The following TRPM3 variants were observed in gnomAD, a reference collection of about 807,000 sequenced individuals.
TRPM3 encodes transient receptor potential cation channel subfamily M member 3.
A neutral mutation model predicts 181.2 loss-of-function variants in TRPM3; 77 were observed. The observed-to-expected ratio is 0.42, with a 90% CI of 0.35 to 0.51. The LOEUF (loss-of-function observed/expected upper bound fraction) is 0.51, where lower values mean the gene tolerates loss of function less well. Ranked by LOEUF, TRPM3 falls within the 20% of genes least tolerant of loss-of-function variation. The pLI is 0.01. For missense variants in TRPM3, 1,759 were observed against 2,196.7 expected, an observed-to-expected ratio of 0.80 and a Z score of 3.98; for synonymous variants, 745 against 796.4, an observed-to-expected ratio of 0.94 and a Z score of 1.09.
At chr9:70,831,200 G>A (rs1011070414) in intron 5 of TRPM3, among the ~76,000 whole-genome samples, 2 of 152,000 alleles carry the variant, frequency 1.3e-5, no homozygotes, top group Admixed American at 6.6e-5. Flanking sequence ...CATAGCAAAC[G>A]TACCAGCAAT....
intron 25 of TRPM3, among the ~76,000 whole-genome samples, chr9:70,539,816 A>G (rs1020500306): frequency 3.3e-5 from 5 of 152,116 alleles, no homozygotes; most frequent in Non-Finnish European, 2.9e-5. Flanking sequence ...AATTTTTTAC[A>G]ATGCAATCTG....
chr9:70,831,240 T>A (rs546802359), intron 5 of TRPM3, among the ~76,000 whole-genome samples: 1 of 152,282 alleles, frequency 6.6e-6, no homozygotes, highest in East Asian at 1.9e-4. Context: ...AATTTACATA[T>A]CTAAAAAGAT....
At chr9:71,099,380 T>A (rs1321332377) in intron 1 of TRPM3, among the ~76,000 whole-genome samples, 2 of 152,176 alleles carry the variant, frequency 1.3e-5, no homozygotes, top group African/African-American at 4.8e-5. Context: ...CACATAAATT[T>A]TGGGGGGGTA....
At chr9:70,999,245 G>A (rs1203609432) in intron 1 of TRPM3, among the ~76,000 whole-genome samples, 1 of 152,202 alleles carries the variant, frequency 6.6e-6, no homozygotes, top group Non-Finnish European at 1.5e-5. Flanking sequence ...ATCCGAAGTA[G>A]ATCATAGGTG....
At chr9:71,440,611 G>A (rs1209489127) in intron 1 of TRPM3, among the ~76,000 whole-genome samples, 1 of 152,160 alleles carries the variant, frequency 6.6e-6, no homozygotes, top group Admixed American at 6.5e-5. Context: ...AATGTACTCT[G>A]ACTATAAAGC....
At chr9:71,291,810 G>A (rs961490861) in intron 1 of TRPM3, among the ~76,000 whole-genome samples, 1 of 152,046 alleles carries the variant, frequency 6.6e-6, no homozygotes, top group Admixed American at 6.6e-5. Context: ...TTGAGTAACA[G>A]AATCAGAAGC....
chr9:71,031,972 T>TTATATATA (rs1357270207), intron 1 of TRPM3, among the ~76,000 whole-genome samples: 45 of 632 alleles, frequency 0.071, no homozygotes, highest in African/African-American at 0.11. Context: ...TATATATATA[T>TTATATATA]TATATATATA....
chr9:70,559,896 G>T (rs934982449), intron 22 of TRPM3, among the ~76,000 whole-genome samples: 2 of 152,076 alleles, frequency 1.3e-5, no homozygotes, highest in Admixed American at 1.3e-4. Flanking sequence ...ATCCTGAGAG[G>T]GCTGTGGAAT....
chr9:70,914,384 T>C (rs2096569458), intron 1 of TRPM3, among the ~76,000 whole-genome samples: 1 of 152,198 alleles, frequency 6.6e-6, no homozygotes, highest in Admixed American at 6.5e-5. Context: ...AAATTATTCA[T>C]TCTAAGGTAT....
At chr9:71,161,938 G>T (rs79275844) in intron 1 of TRPM3, among the ~76,000 whole-genome samples, 2,478 of 152,016 alleles carry the variant, frequency 0.016, 39 homozygotes, top group East Asian at 0.073. Flanking sequence ...ATGGGAGCTC[G>T]TGCCTGTAAT....
At chr9:70,923,843 T>TATAC (rs1554771315) in intron 1 of TRPM3, among the ~76,000 whole-genome samples, 20 of 121,848 alleles carry the variant, frequency 1.6e-4, no homozygotes, top group African/African-American at 4.2e-4. Context: ...TATATATATA[T>TATAC]ACACACACAC....
chr9:71,023,107 T>C (rs2097860010), intron 1 of TRPM3, among the ~76,000 whole-genome samples: 1 of 152,142 alleles, frequency 6.6e-6, no homozygotes, highest in Admixed American at 6.6e-5. Flanking sequence ...CAAATAACTG[T>C]TACTGAGAAT....
intron 1 of TRPM3, among the ~76,000 whole-genome samples, chr9:70,998,156 C>CACATATATACACAT (rs1258019396): frequency 3.7e-5 from 1 of 27,200 alleles, no homozygotes; most frequent in African/African-American, 1.3e-4. Flanking sequence ...TATATATATA[C>CACATATATACACAT]ATATATACAT....
At chr9:71,209,567 T>A (rs568686398) in intron 1 of TRPM3, among the ~76,000 whole-genome samples, 12 of 152,290 alleles carry the variant, frequency 7.9e-5, no homozygotes, top group Non-Finnish European at 8.8e-5. Flanking sequence ...AAAACAGCAG[T>A]AAGCTTGGCA....
intron 1 of TRPM3, among the ~76,000 whole-genome samples, chr9:71,207,557 C>T (rs2079200015): frequency 6.6e-6 from 1 of 152,054 alleles, no homozygotes; most frequent in Non-Finnish European, 1.5e-5. Flanking sequence ...ATGTGATATC[C>T]AGAATGTATC....
chr9:71,246,023 G>A (rs995327845), intron 1 of TRPM3, among the ~76,000 whole-genome samples: 5 of 152,300 alleles, frequency 3.3e-5, no homozygotes, highest in Non-Finnish European at 7.4e-5. Context: ...AGGGATTGGA[G>A]TATGATTGGA....
At chr9:71,221,701 C>A (rs2080252055) in intron 1 of TRPM3, among the ~76,000 whole-genome samples, 1 of 152,124 alleles carries the variant, frequency 6.6e-6, no homozygotes, top group Non-Finnish European at 1.5e-5. Flanking sequence ...GTAATAAGAT[C>A]AAGTCTTGGC....
intron 12 of TRPM3, among the ~76,000 whole-genome samples, chr9:70,629,322 C>T (rs969675104): frequency 2.0e-5 from 3 of 149,556 alleles, no homozygotes; most frequent in Non-Finnish European, 3.0e-5. Flanking sequence ...CTGCCTCTTC[C>T]GTTTTTTGTT....
intron 8 of TRPM3, among the ~76,000 whole-genome samples, chr9:70,760,130 A>C (rs771026345): frequency 1.3e-5 from 2 of 152,030 alleles, no homozygotes; most frequent in Non-Finnish European, 2.9e-5. Flanking sequence ...CTGCAAAAAC[A>C]GTCCCATGAA....
Sources: gnomAD v4.1 joint callset for allele counts (sites outside exome capture counted in the v4.1 genomes callset) on GRCh38, gnomAD v4.1.1 for gene constraint, MANE v1.5 for transcripts, NCBI Gene and HGNC (gene_info 2026-07-23, HGNC 2026-07-21) for gene names.